CNTNAP2: variants seen among roughly 807,000 people sequenced by gnomAD.
The protein encoded by CNTNAP2 is contactin-associated protein-like 2.
In CNTNAP2, 98 loss-of-function variants were observed where a neutral mutation model predicts 155.2. That is an observed-to-expected ratio of 0.63 (90% CI 0.54 to 0.75). The LOEUF is 0.75. CNTNAP2 is among the 30% of genes least tolerant of loss of function. The pLI is 0.00. For synonymous variants in CNTNAP2, 651 were observed against 631.2 expected (o/e 1.03, Z -0.47); for missense variants, 1,727 against 1,688.1 (o/e 1.02, Z -0.40).
intron 8 of CNTNAP2, among the ~76,000 whole-genome samples, chr7:147,168,041 T>C (rs1282183164): frequency 1.3e-5 from 2 of 148,926 alleles, no homozygotes; most frequent in African/African-American, 2.4e-5. Context: ...TTTACATATG[T>C]ATATATAAAA....
At chr7:146,648,370 G>C (rs1022914836) in intron 1 of CNTNAP2, among the ~76,000 whole-genome samples, 3 of 151,978 alleles carry the variant, frequency 2.0e-5, no homozygotes, top group African/African-American at 4.8e-5. Flanking sequence ...TCTCTTTGTA[G>C]TTATAATCAG....
At chr7:147,584,410 C>T (rs1584831811) in intron 12 of CNTNAP2, among the ~76,000 whole-genome samples, 1 of 152,178 alleles carries the variant, frequency 6.6e-6, no homozygotes, top group South Asian at 2.1e-4. Flanking sequence ...TCTTTATTTA[C>T]TCCTTTGTAA....
intron 21 of CNTNAP2, among the ~76,000 whole-genome samples, chr7:148,324,445 T>C (rs971540581): frequency 3.3e-5 from 5 of 152,190 alleles, no homozygotes; most frequent in Admixed American, 3.3e-4. Context: ...AAGCATTCTA[T>C]GCATTTCACC....
At chr7:146,688,579 T>A (rs1375641011) in intron 1 of CNTNAP2, among the ~76,000 whole-genome samples, 1 of 151,638 alleles carries the variant, frequency 6.6e-6, no homozygotes. Context: ...GGAGAAGGAG[T>A]GTCACAAGGT....
chr7:146,887,271 C>T (rs945452358), intron 3 of CNTNAP2, among the ~76,000 whole-genome samples: 5 of 152,002 alleles, frequency 3.3e-5, no homozygotes, highest in African/African-American at 1.2e-4. Context: ...GCCTCAGCCT[C>T]CCGAGTAGCT....
chr7:146,911,371 G>T (rs957792502), intron 3 of CNTNAP2, among the ~76,000 whole-genome samples: 1 of 152,106 alleles, frequency 6.6e-6, no homozygotes, highest in African/African-American at 2.4e-5. Flanking sequence ...GTTTATCGCG[G>T]CATTATTCAC....
At chr7:148,166,968 A>G (rs191978837) in intron 17 of CNTNAP2, among the ~76,000 whole-genome samples, 39 of 152,310 alleles carry the variant, frequency 2.6e-4, no homozygotes, top group South Asian at 1.9e-3. Flanking sequence ...ATTTTTCTTC[A>G]TATTGACTAG....
intron 20 of CNTNAP2, among the ~76,000 whole-genome samples, chr7:148,258,534 C>T (rs1796497639): frequency 1.3e-5 from 2 of 152,238 alleles, no homozygotes; most frequent in South Asian, 2.1e-4. Context: ...AATGGAGATT[C>T]CGATGGGGAG....
chr7:148,001,646 A>G (rs998040404), intron 15 of CNTNAP2, among the ~76,000 whole-genome samples: 1 of 152,262 alleles, frequency 6.6e-6, no homozygotes, highest in African/African-American at 2.4e-5. Context: ...ATATTTGGAT[A>G]GTAGAAAAGC....
chr7:146,517,079 G>T lies in CNTNAP2; in HGVS notation c.98-257192G>T, dbSNP rs142125679. 1.4e-4 allele frequency among the ~76,000 whole-genome samples: 22 copies of T among 152,014 alleles called. 1 individual carries two copies. Among genetic ancestry groups the T allele is most frequent in the African/African-American group, 3.1e-4 (13 of 41,500 alleles). ...TAAATCCTATGCTGCTCTAAGCACG[G>T]TGATGAACTCTGGTGTCATCTTGCT... is the stretch of plus-strand genomic sequence containing the variant. On this transcript the variant is annotated intron_variant, in intron 1 of 23. Transcript: ENST00000361727.
At chr7:146,968,576 A>T (rs1797710884) in intron 3 of CNTNAP2, among the ~76,000 whole-genome samples, 1 of 152,042 alleles carries the variant, frequency 6.6e-6, no homozygotes, top group Non-Finnish European at 1.5e-5. Context: ...CATTTCTTCT[A>T]GATTTTCTAG....
chr7:147,447,794 A>C (rs1797765378), intron 10 of CNTNAP2, among the ~76,000 whole-genome samples: 1 of 151,652 alleles, frequency 6.6e-6, no homozygotes, highest in Non-Finnish European at 1.5e-5. Context: ...TATGTAAATA[A>C]ATATATATAG....
At chr7:148,131,377 A>T (rs1181811959) in intron 16 of CNTNAP2, among the ~76,000 whole-genome samples, 1 of 152,096 alleles carries the variant, frequency 6.6e-6, no homozygotes, top group Non-Finnish European at 1.5e-5. Context: ...GATTACAGGC[A>T]TAAGCCACCA....
chr7:147,346,273 G>T (rs965441699), intron 9 of CNTNAP2, among the ~76,000 whole-genome samples: 4 of 150,748 alleles, frequency 2.7e-5, no homozygotes, highest in Non-Finnish European at 3.0e-5. Flanking sequence ...TCCTGCCTCA[G>T]CCTCCCGAGT....
At chr7:146,589,262 A>T (rs747552522) in intron 1 of CNTNAP2, among the ~76,000 whole-genome samples, 1 of 152,202 alleles carries the variant, frequency 6.6e-6, no homozygotes, top group Non-Finnish European at 1.5e-5. Flanking sequence ...TAAAACACTC[A>T]CTGCTATAAA....
intron 1 of CNTNAP2, among the ~76,000 whole-genome samples, chr7:146,590,740 G>T (rs111585651): frequency 3.5e-4 from 54 of 152,242 alleles, no homozygotes; most frequent in Non-Finnish European, 6.6e-4. Context: ...ATATGTTTCT[G>T]TGCATGCCCA....
At chr7:147,003,386 G>GA (rs1160704577) in intron 3 of CNTNAP2, among the ~76,000 whole-genome samples, 1 of 151,462 alleles carries the variant, frequency 6.6e-6, no homozygotes, top group Non-Finnish European at 1.5e-5. Context: ...CAAAAAGCGA[G>GA]AAAAAAATAA....
rs538816820 is a variant in CNTNAP2, at chr7:147,742,696, C to T, written c.2098+103390C>T. On this transcript the variant is annotated intron_variant, in intron 13 of 23. Transcript: ENST00000361727. Reference sequence around the variant, plus strand: ...TTCAATAGTGAAGCTAAGAATTCTACGTATCTTTTCCTACTAGCTTGGAAA... The same window carrying T: ...TTCAATAGTGAAGCTAAGAATTCTATGTATCTTTTCCTACTAGCTTGGAAA... Among the ~76,000 whole-genome samples the T allele has an allele frequency of 1.1e-4, 17 of 152,292 alleles. No individual in the cohort carries two copies. The South Asian group carries it at 2.3e-3, about 20-fold the overall frequency.
At chr7:147,981,819 T>TGTGTGTGTGG (rs1404450002) in intron 15 of CNTNAP2, among the ~76,000 whole-genome samples, 25 of 113,742 alleles carry the variant, frequency 2.2e-4, no homozygotes, top group Middle Eastern at 5.2e-3. Context: ...GTGTGTGTGG[T>TGTGTGTGTGG]TTTTTTTTTC....
Sources: gnomAD v4.1 joint callset for allele counts (sites outside exome capture counted in the v4.1 genomes callset) on GRCh38, gnomAD v4.1.1 for gene constraint, MANE v1.5 for transcripts, NCBI Gene and HGNC (gene_info 2026-07-23, HGNC 2026-07-21) for gene names.